FRMPD3: variants seen among roughly 807,000 people sequenced by gnomAD.
FRMPD3 encodes FERM and PDZ domain-containing protein 3.
A neutral mutation model predicts 97.9 loss-of-function variants in FRMPD3; 42 were observed. The observed-to-expected ratio is 0.43, with a 90% CI of 0.34 to 0.55. The LOEUF is 0.55. Among genes scored for constraint, FRMPD3 ranks in the 20% least tolerant of loss-of-function variants. The pLI is 0.03. For missense variants in FRMPD3, 1,303 were observed against 1,457.7 expected, an observed-to-expected ratio of 0.89 and a Z score of 1.73; for synonymous variants, 577 against 581.1, an observed-to-expected ratio of 0.99 and a Z score of 0.10.
At chrX:107,580,842 C>T (rs759824468) in intron 13 of FRMPD3, among the ~76,000 whole-genome samples, 17 of 111,189 alleles carry the variant, frequency 1.5e-4, no homozygotes, top group Non-Finnish European at 2.8e-4. Context: ...GAACCAACCC[C>T]ACTCATTGAT....
chrX:107,533,409 G>A, intron 3 of FRMPD3, 96 bp from the exon 4 acceptor site: 1 of 779,421 alleles, frequency 1.3e-6, no homozygotes, highest in Non-Finnish European at 1.9e-6. Context: ...CCATATACCT[G>A]AATAAAGCCA....
intron 1 of FRMPD3, among the ~76,000 whole-genome samples, chrX:107,520,497 A>C (rs190339745): frequency 3.8e-4 from 42 of 109,751 alleles, no homozygotes; most frequent in East Asian, 3.4e-3. Context: ...AAAAAAAAAA[A>C]ACACACACAA....
At chrX:107,476,043 C>T (rs1921192906) in intron 1 of FRMPD3, among the ~76,000 whole-genome samples, 1 of 111,605 alleles carries the variant, frequency 9.0e-6, no homozygotes, top group Admixed American at 9.5e-5. Context: ...GCCACCAGGC[C>T]TGGCTAATTT....
intron 1 of FRMPD3, among the ~76,000 whole-genome samples, chrX:107,503,459 G>T (rs1028035932): frequency 4.4e-5 from 5 of 112,406 alleles, no homozygotes; most frequent in Non-Finnish European, 7.5e-5. Context: ...TGTAAGAGCT[G>T]GGATGAGCAG....
At chrX:107,572,730 T>A (rs1403768954) in intron 12 of FRMPD3, among the ~76,000 whole-genome samples, 1 of 108,889 alleles carries the variant, frequency 9.2e-6, no homozygotes, top group Non-Finnish European at 1.9e-5. Context: ...AGAGTGAGAC[T>A]CTGTCTCAAA....
intron 11 of FRMPD3, among the ~76,000 whole-genome samples, chrX:107,563,790 C>T (rs1349681568): frequency 3.6e-5 from 4 of 112,050 alleles, no homozygotes; most frequent in African/African-American, 1.3e-4. Context: ...GTTCCACATA[C>T]TCCCACAGTC....
chrX:107,486,439 T>A lies in FRMPD3; in HGVS notation c.-8+36434T>A, dbSNP rs185629280. On this transcript the variant is annotated intron_variant, in intron 1 of 14. Transcript: ENST00000683843. ...GACCTTTGTTAAAATGTACATTTTTTAATTTACATCCATATTTTTTCTGAA... is the reference window on the plus strand; with the variant it reads ...GACCTTTGTTAAAATGTACATTTTTAAATTTACATCCATATTTTTTCTGAA... Among the ~76,000 whole-genome samples, 388 of 112,866 alleles carry A rather than the reference T, an allele frequency of 3.4e-3. 4 individuals carry two copies. The highest frequency in any genetic ancestry group is 0.012 in the African/African-American group (362 of 31,096).
intron 1 of FRMPD3, among the ~76,000 whole-genome samples, chrX:107,469,749 G>A (rs1030920862): frequency 8.9e-6 from 1 of 112,469 alleles, no homozygotes; most frequent in Non-Finnish European, 1.9e-5. Flanking sequence ...AGGATTAAAT[G>A]AGTTAATAAT....
Position 107,598,135 on chromosome X carries a change from G to A in FRMPD3, c.2256G>A (p.Gln752=). The A allele has an allele frequency of 8.3e-7, 1 of 1,200,906 alleles. No homozygotes were observed. The highest frequency in any genetic ancestry group is 1.8e-5 in the South Asian group (1 of 56,064). ...ATGGACCACACCCACCACCCCCACA[G>A]ACTGCAGGTAATGACCGATTCCTTC... ...SEDGPHPPPP[Q]TAGLIVLATI... Residue 752 remains glutamine (Q), a synonymous_variant, in exon 14 of 15, where the codon CAG becomes CAA. Coordinates refer to ENST00000683843, the MANE Select transcript of FRMPD3 (RefSeq NM_001388459.1).
Position 107,533,852 on chromosome X carries a change from A to G in FRMPD3, c.297+302A>G, listed in dbSNP as rs148321003. 2.8e-3 allele frequency among the ~76,000 whole-genome samples: 319 copies of G among 112,341 alleles called. 1 individual carries two copies. Among genetic ancestry groups the G allele is most frequent in the African/African-American group, 1.0e-2 (308 of 30,926 alleles). ...TTCCACTTCTTTTTGGCTGTACTCCATTAAAATGTATCTGTCCAATGTGAA... is the reference window on the plus strand; with the variant it reads ...TTCCACTTCTTTTTGGCTGTACTCCGTTAAAATGTATCTGTCCAATGTGAA... On this transcript the variant is annotated intron_variant, in intron 4 of 14. Coordinates refer to ENST00000683843, the MANE Select transcript of FRMPD3 (RefSeq NM_001388459.1).
intron 1 of FRMPD3, among the ~76,000 whole-genome samples, chrX:107,468,821 C>G (rs1272788489): frequency 2.7e-5 from 3 of 112,861 alleles, no homozygotes; most frequent in Non-Finnish European, 5.6e-5. Flanking sequence ...CTGAGAGATA[C>G]ACCTCCACGT....
chrX:107,525,456 G>A (rs1922660158), intron 1 of FRMPD3: 34 of 474,314 alleles, frequency 7.2e-5, no homozygotes, highest in South Asian at 6.9e-4. Context: ...CCTGGCCCTT[G>A]ATGGAGAACA....
intron 12 of FRMPD3, among the ~76,000 whole-genome samples, chrX:107,566,406 T>G (rs1922604802): frequency 8.9e-6 from 1 of 112,744 alleles, no homozygotes; most frequent in African/African-American, 3.2e-5. Flanking sequence ...GGAACTGGCT[T>G]GGAGCCGATG....
At chrX:107,564,866 C>T in intron 11 of FRMPD3, 21 bp from the exon 12 acceptor site, 2 of 1,208,817 alleles carry the variant, frequency 1.7e-6, no homozygotes, top group South Asian at 3.5e-5. Flanking sequence ...GTGAACGTTG[C>T]CTGCCATTCT....
At chrX:107,586,148 A>C (rs1228420821) in intron 13 of FRMPD3, among the ~76,000 whole-genome samples, 1 of 111,568 alleles carries the variant, frequency 9.0e-6, no homozygotes, top group Non-Finnish European at 1.9e-5. Context: ...CAGGTATTCA[A>C]CTTCTTCCTG....
intron 1 of FRMPD3, among the ~76,000 whole-genome samples, chrX:107,494,458 T>C (rs2147525022): frequency 8.9e-6 from 1 of 111,932 alleles, no homozygotes; most frequent in Admixed American, 9.5e-5. Context: ...CTTCCCACAA[T>C]AATGATTCTA....
chrX:107,477,865 C>T (rs1337703688), intron 1 of FRMPD3, among the ~76,000 whole-genome samples: 7 of 111,401 alleles, frequency 6.3e-5, no homozygotes, highest in Non-Finnish European at 1.3e-4. Flanking sequence ...CTCATCTTTG[C>T]CCTCCACCCC....
At chrX:107,538,907 C>T (rs1048815992) in intron 4 of FRMPD3, among the ~76,000 whole-genome samples, 4 of 112,660 alleles carry the variant, frequency 3.6e-5, no homozygotes, top group African/African-American at 1.3e-4. Context: ...AATCTGCCCG[C>T]CTTGGCCTCC....
At chrX:107,541,837 AG>A (rs1921320199) in intron 4 of FRMPD3, among the ~76,000 whole-genome samples, 1 of 112,554 alleles carries the variant, frequency 8.9e-6, no homozygotes, top group Non-Finnish European at 1.9e-5. Context: ...GCAAAGGCTC[AG>A]GAAACCTGGG....
Sources: allele counts gnomAD v4.1 joint callset (sites outside exome capture counted in the v4.1 genomes callset), GRCh38; gene constraint gnomAD v4.1.1; transcripts MANE v1.5; gene names NCBI Gene and HGNC (gene_info 2026-07-23, HGNC 2026-07-21).